MYOM1: variants seen among roughly 807,000 people sequenced by gnomAD.
MYOM1 encodes myomesin-1.
In MYOM1, 164 loss-of-function variants were observed where a neutral mutation model predicts 205.3. That is an observed-to-expected ratio of 0.80 (90% CI 0.70 to 0.91). The LOEUF is 0.91. Among genes scored for constraint, MYOM1 ranks in the 40% least tolerant of loss-of-function variants. The pLI, the probability that MYOM1 is intolerant of heterozygous loss-of-function variation, is 0.00. For synonymous variants in MYOM1, 772 were observed against 789.4 expected, an observed-to-expected ratio of 0.98 and a Z score of 0.37; for missense variants, 2,011 against 2,127.3, an observed-to-expected ratio of 0.95 and a Z score of 1.08.
At chr18:3,148,817 C>G (rs144324471) in intron 13 of MYOM1, among the ~76,000 whole-genome samples, 2,756 of 133,938 alleles carry the variant, frequency 0.021, 30 homozygotes, top group Middle Eastern at 0.029. Flanking sequence ...TTGCACTCCA[C>G]CCTGGGCGAC....
At position 3,111,639 on chromosome 18, in the gene MYOM1, A is replaced by G. The variant is rs1262669318; in HGVS notation, c.3418+659T>C. ...CTATTTCAAAACACAGGAAAATTATACAAGATTGAAATTTTATAATGCATA... is the reference window on the plus strand; with the variant it reads ...CTATTTCAAAACACAGGAAAATTATGCAAGATTGAAATTTTATAATGCATA... On this transcript the variant is annotated intron_variant, in intron 22 of 37. Coordinates refer to ENST00000356443, the MANE Select transcript of MYOM1 (RefSeq NM_003803.4). Among the ~76,000 whole-genome samples the G allele has an allele frequency of 2.0e-5, 3 of 152,222 alleles. No homozygotes were observed. The East Asian group carries it at 5.8e-4, about 29-fold the overall frequency.
chr18:3,099,014 C>T (rs1348222844), intron 25 of MYOM1, among the ~76,000 whole-genome samples: 2 of 152,034 alleles, frequency 1.3e-5, no homozygotes, highest in Non-Finnish European at 1.5e-5. Flanking sequence ...AGTGCAGTAG[C>T]GTGATCATGG....
the MYOM1 span, among the ~76,000 whole-genome samples, chr18:3,232,767 A>C: frequency 6.6e-6 from 1 of 152,222 alleles, no homozygotes; most frequent in Non-Finnish European, 1.5e-5. Context: ...ATAAGAAATT[A>C]ATTATATGTT....
chr18:3,107,121 A>ATTTC (rs573656875), intron 22 of MYOM1, among the ~76,000 whole-genome samples: 3,441 of 152,112 alleles, frequency 0.023, 124 homozygotes, highest in African/African-American at 0.079. Flanking sequence ...AGGTTTAAAA[A>ATTTC]TTTCTTTTTT....
At chr18:3,165,804 G>A (rs10221327) in intron 9 of MYOM1, among the ~76,000 whole-genome samples, 50,830 of 151,936 alleles carry the variant, frequency 0.33, 8,578 homozygotes, top group Admixed American at 0.39. Context: ...TCTCTCCTCT[G>A]CAGCCATGGG....
intron 10 of MYOM1, among the ~76,000 whole-genome samples, chr18:3,159,675 T>C (rs1252220187): frequency 6.6e-6 from 1 of 152,136 alleles, no homozygotes; most frequent in Non-Finnish European, 1.5e-5. Flanking sequence ...AGGAACAATA[T>C]GTCTTACAAC....
intron 18 of MYOM1, among the ~76,000 whole-genome samples, chr18:3,128,819 C>T (rs28575688): frequency 0.32 from 48,575 of 152,006 alleles, 8,192 homozygotes; most frequent in East Asian, 0.58. Context: ...GACCCTGGTA[C>T]GATGTCACCT....
chr18:3,241,461 G>A, the MYOM1 span, among the ~76,000 whole-genome samples: 2 of 152,218 alleles, frequency 1.3e-5, no homozygotes, highest in Non-Finnish European at 2.9e-5. Context: ...TGTTGGGCCT[G>A]CAGTGCACAG....
In MYOM1 at chr18:3,187,428, C is replaced by T. The variant is rs142715965; in HGVS notation, c.929+52G>A. 685 of 1,581,372 alleles carry T rather than the reference C, an allele frequency of 4.3e-4. 3 individuals carry two copies. Among genetic ancestry groups the T allele is most frequent in the Middle Eastern group, 1.5e-3 (9 of 5,946 alleles). Reference sequence around the variant, plus strand: ...TTGTTCTGTGTGTTTCCACTAGAGGCGAACTTAACTTGGTGTAATGAATTC... The same window carrying T: ...TTGTTCTGTGTGTTTCCACTAGAGGTGAACTTAACTTGGTGTAATGAATTC... On this transcript the variant is annotated intron_variant, in intron 5 of 37. Transcript: ENST00000356443.
intron 2 of MYOM1, among the ~76,000 whole-genome samples, chr18:3,200,390 T>C (rs1398628320): frequency 2.6e-5 from 4 of 152,214 alleles, no homozygotes; most frequent in Non-Finnish European, 2.9e-5. Flanking sequence ...AAATTGTCTC[T>C]GGGTTGTCCT....
chr18:3,121,778 C>T (rs76265426), intron 19 of MYOM1, among the ~76,000 whole-genome samples: 21,729 of 152,102 alleles, frequency 0.14, 1,769 homozygotes, highest in East Asian at 0.33. Context: ...AAAAATTGAA[C>T]AACTTTTAAA....
At chr18:3,072,173 C>T (rs1006576701) in intron 36 of MYOM1, among the ~76,000 whole-genome samples, 2 of 151,178 alleles carry the variant, frequency 1.3e-5, no homozygotes, top group East Asian at 3.9e-4. Flanking sequence ...GCCTCAGCCT[C>T]CCGAGTAGCT....
At chr18:3,117,900 A>G (rs2079628971) in intron 20 of MYOM1, among the ~76,000 whole-genome samples, 1 of 152,152 alleles carries the variant, frequency 6.6e-6, no homozygotes, top group Non-Finnish European at 1.5e-5. Flanking sequence ...TTAATACCAA[A>G]TACCTCACAC....
intron 20 of MYOM1, among the ~76,000 whole-genome samples, chr18:3,116,832 T>C (rs1456469546): frequency 6.6e-6 from 1 of 152,068 alleles, no homozygotes; most frequent in Non-Finnish European, 1.5e-5. Context: ...ATTGGAACAG[T>C]CTGATTTAGC....
intron 6 of MYOM1, 125 bp downstream of exon 6, chr18:3,175,917 T>C: frequency 1.6e-6 from 1 of 640,016 alleles, no homozygotes. Flanking sequence ...AAGCACCGTA[T>C]ACGAATGTCC....
At chr18:3,150,071 T>C (rs2080195179) in intron 12 of MYOM1, among the ~76,000 whole-genome samples, 2 of 152,108 alleles carry the variant, frequency 1.3e-5, no homozygotes, top group African/African-American at 4.8e-5. Context: ...ATTATTATTA[T>C]TATTTTCAGA....
upstream of MYOM1, among the ~76,000 whole-genome samples, chr18:3,222,773 G>A (rs902892583): frequency 2.0e-5 from 3 of 152,138 alleles, no homozygotes; most frequent in Non-Finnish European, 4.4e-5. Flanking sequence ...TTGAGAGGCA[G>A]CATAGTATCA....
At chr18:3,079,405 T>A (rs1050103075) in intron 33 of MYOM1, 63 bp from the exon 34 acceptor site, 2 of 1,497,184 alleles carry the variant, frequency 1.3e-6, no homozygotes, top group Non-Finnish European at 1.8e-6. Context: ...CTTTACTTTG[T>A]CTCTCATTGA....
At chr18:3,208,961 C>T (rs977164327) in intron 2 of MYOM1, among the ~76,000 whole-genome samples, 4 of 152,154 alleles carry the variant, frequency 2.6e-5, no homozygotes, top group African/African-American at 7.2e-5. Context: ...ATTTCATTTC[C>T]GGTAACAGTC....
Sources: allele counts gnomAD v4.1 joint callset (sites outside exome capture counted in the v4.1 genomes callset), GRCh38; gene constraint gnomAD v4.1.1; transcripts MANE v1.5; gene names NCBI Gene and HGNC (gene_info 2026-07-23, HGNC 2026-07-21).